TPM2: variants seen among roughly 807,000 people sequenced by gnomAD.
TPM2 encodes the protein tropomyosin beta chain.
Under a neutral mutation model 41.0 loss-of-function variants are expected in TPM2, and 26 were observed. The observed-to-expected ratio is 0.63, with a 90% CI of 0.46 to 0.88. The LOEUF (loss-of-function observed/expected upper bound fraction) is 0.88. Among genes scored for constraint, TPM2 ranks in the 40% least tolerant of loss-of-function variants. TPM2 has a pLI of 0.00. For missense variants in TPM2, 187 were observed against 355.2 expected (o/e 0.53, Z 3.81); for synonymous variants, 143 against 139.3 (o/e 1.03, Z -0.19).
intron 2 of TPM2, among the ~76,000 whole-genome samples, chr9:35,686,633 T>C: frequency 1.7e-5 from 1 of 60,338 alleles, no homozygotes. Context: ...CAAGATCCCA[T>C]CTCAAAAAAA....
At chr9:35,684,394 T>A in intron 7 of TPM2, 79 bp from the exon 8 acceptor site, 1 of 1,611,050 alleles carries the variant, frequency 6.2e-7, no homozygotes, top group Non-Finnish European at 8.5e-7. Flanking sequence ...AAGCTTCTTG[T>A]CCATCCCAAC....
At chr9:35,689,628 G>A in intron 1 of TPM2, 76 bp downstream of exon 1, 2 of 1,599,580 alleles carry the variant, frequency 1.3e-6, no homozygotes, top group East Asian at 2.2e-5. Context: ...CAGGCCCGGG[G>A]CTGGGGGACC....
At chr9:35,682,774 G>T, downstream of TPM2, 1 of 1,334,322 alleles carries the variant, frequency 7.5e-7, no homozygotes, top group Non-Finnish European at 9.9e-7. Context: ...GCCAGGGAGT[G>T]CCTGTGCAGA....
intron 1 of TPM2, 119 bp downstream of exon 1, chr9:35,689,585 C>G (rs1010914137): frequency 1.7e-4 from 272 of 1,563,226 alleles, no homozygotes; most frequent in Non-Finnish European, 2.3e-4. Context: ...GAAGGCCCAG[C>G]CCCCACCCTG....
chr9:35,689,533 AG>A, intron 1 of TPM2, 170 bp downstream of exon 1: 2 of 822,398 alleles, frequency 2.4e-6, no homozygotes. Context: ...AGGCTATTGT[AG>A]GGGAGAGAAG....
chr9:35,683,850 C>A (rs542461422), intron 8 of TPM2, among the ~76,000 whole-genome samples: 15 of 152,338 alleles, frequency 9.8e-5, no homozygotes, highest in Non-Finnish European at 1.6e-4. Context: ...CACTAGAACT[C>A]TACTGCGTTA....
At position 35,683,080 on chromosome 9, in the gene TPM2, C is replaced by G. The variant is rs577893044; in HGVS notation, c.*79G>C. On this transcript the variant is annotated 3_prime_UTR_variant, in exon 9 of 9. Transcript: ENST00000645482. ...TGCAATGTTGGCAATTTCTGCTCCT[C>G]CTGCCTGCTCCCCTCCCCATAGAGA... 1.5e-5 allele frequency: 23 copies of G among 1,551,596 alleles called. No homozygotes were observed. The South Asian group carries it at 2.4e-4, about 16-fold the overall frequency.
downstream of TPM2, chr9:35,682,690 G>A: frequency 7.6e-7 from 1 of 1,312,934 alleles, no homozygotes; most frequent in Non-Finnish European, 1.0e-6. Flanking sequence ...TGAGGTCAGG[G>A]ATTGGCACCA....
At position 35,684,914 on chromosome 9, in the gene TPM2, G is replaced by C. The variant is rs1376407051; in HGVS notation, c.564-107C>G. 1.9e-6 allele frequency: 3 copies of C among 1,610,366 alleles called. No homozygotes were observed. The African/African-American group carries it at 4.0e-5, about 22-fold the overall frequency. The stretch of plus-strand genomic sequence containing the variant: ...GTGGAGGAGAGAAGAGAAGAGCAAA[G>C]TTGTGAGAGTGACAGCAGGCAGGGC... On this transcript the variant is annotated intron_variant, in intron 5 of 8. Coordinates refer to ENST00000645482, the MANE Select transcript of TPM2 (RefSeq NM_003289.4).
chr9:35,682,473 T>C (rs564225411), downstream of TPM2: 2 of 1,306,420 alleles, frequency 1.5e-6, no homozygotes, highest in Admixed American at 6.4e-5. Context: ...AGACAAAGAC[T>C]GCGCCAGGAA....
chr9:35,682,858 G>C (rs1036505729), downstream of TPM2: 25 of 1,439,712 alleles, frequency 1.7e-5, no homozygotes, highest in Non-Finnish European at 2.1e-5. Context: ...TAAGTGCCAG[G>C]GTGTCAGGAG....
At chr9:35,684,154 G>A (rs1465491964) in intron 8 of TPM2, 92 bp downstream of exon 8, 2 of 1,377,836 alleles carry the variant, frequency 1.5e-6, no homozygotes, top group South Asian at 1.2e-5. Flanking sequence ...CCCAACCCTA[G>A]TTTATTGGTG....
intron 2 of TPM2, among the ~76,000 whole-genome samples, chr9:35,688,133 A>C (rs912266670): frequency 6.6e-6 from 1 of 151,908 alleles, no homozygotes; most frequent in Admixed American, 6.6e-5. Context: ...TTATTTATAG[A>C]GTGTCAGATG....
At position 35,685,026 on chromosome 9, in the gene TPM2, AG is replaced by A; in HGVS notation, c.564-220del. On this transcript the variant is annotated intron_variant, in intron 5 of 8. Transcript: ENST00000645482. This position sits in a 1 kb window ranked among gnomAD's most constrained non-coding sequence, Gnocchi z 5.0. ...GACGGAGGGAAGGTGAGCTGAGAGA[AG>A]GCGCCATTGCCCAGAAAGGTTCAGA... The A allele has an allele frequency of 6.2e-7, 1 of 1,614,156 alleles. No homozygotes were observed. Among genetic ancestry groups the A allele is most frequent in the Non-Finnish European group, 8.5e-7 (1 of 1,180,018 alleles).
chr9:35,684,120 G>A (rs1220516156), intron 8 of TPM2, 126 bp downstream of exon 8: 3 of 888,984 alleles, frequency 3.4e-6, no homozygotes, highest in Admixed American at 3.8e-5. Flanking sequence ...CACAGAGTTG[G>A]GGAGTTGGTA....
intron 8 of TPM2, among the ~76,000 whole-genome samples, chr9:35,683,703 A>G (rs1303202902): frequency 6.6e-6 from 1 of 152,276 alleles, no homozygotes; most frequent in Non-Finnish European, 1.5e-5. Context: ...CATTAACAAT[A>G]GAAATAGCCA....
chr9:35,684,429 TCTCTGGCAAGGATTAGGG>T (rs1422321474), intron 7 of TPM2, 41 bp downstream of exon 7: 9 of 1,611,298 alleles, frequency 5.6e-6, no homozygotes, highest in African/African-American at 2.7e-5. Flanking sequence ...CCACAGGCCG[TCTCTGGCAAGGATTAGGG>T]TGGCTTGAGG....
In TPM2 at chr9:35,685,197, G is replaced by A. The variant is rs1323292599; in HGVS notation, c.563+72C>T. 6.2e-6 allele frequency: 10 copies of A among 1,614,034 alleles called. No homozygotes were observed. Among genetic ancestry groups the A allele is most frequent in the Non-Finnish European group, 8.5e-6 (10 of 1,180,016 alleles). On this transcript the variant is annotated intron_variant, in intron 5 of 8. Coordinates refer to ENST00000645482, the MANE Select transcript of TPM2 (RefSeq NM_003289.4). The surrounding 1 kb of genome is among the most constrained non-coding windows in gnomAD (Gnocchi z 5.0). Reference sequence around the variant, plus strand: ...GCCTGTCCCTACAGCCCCAAGCCTAGGATGCTACCTTCCCACTGTGTGGAA... The same window carrying A: ...GCCTGTCCCTACAGCCCCAAGCCTAAGATGCTACCTTCCCACTGTGTGGAA...
At chr9:35,688,747 C>T (rs1036398328) in intron 2 of TPM2, among the ~76,000 whole-genome samples, 2 of 152,182 alleles carry the variant, frequency 1.3e-5, no homozygotes, top group South Asian at 4.1e-4. Flanking sequence ...CTCCCTCCTC[C>T]TGCAGGCTAG....
Sources: allele counts gnomAD v4.1 joint callset (sites outside exome capture counted in the v4.1 genomes callset), GRCh38; gene constraint gnomAD v4.1.1; non-coding constraint Gnocchi (gnomAD v3.1); transcripts MANE v1.5; gene names NCBI Gene and HGNC (gene_info 2026-07-23, HGNC 2026-07-21).